The following TPCN2 variants were observed in gnomAD, a reference collection of about 807,000 sequenced individuals.
The protein encoded by TPCN2 is two pore segment channel 2, also known as two pore channel protein 2.
TPCN2 carries 92 observed loss-of-function variants against 111.4 expected under a neutral mutation model. The ratio of observed to expected loss-of-function variants is 0.83; its 90% CI spans 0.70 to 0.98. The LOEUF (loss-of-function observed/expected upper bound fraction) is 0.98, where lower values mean the gene tolerates loss of function less well. Ranked by LOEUF, TPCN2 falls within the 50% of genes least tolerant of loss-of-function variation. The pLI is 0.00. For synonymous variants in TPCN2, 405 were observed against 414.5 expected (o/e 0.98, Z 0.28); for missense variants, 995 against 980.1 (o/e 1.02, Z -0.20).
At chr11:69,055,023 A>C in intron 3 of TPCN2, 152 bp from the exon 4 acceptor site, 2 of 928,572 alleles carry the variant, frequency 2.2e-6, no homozygotes, top group Non-Finnish European at 1.7e-6. Flanking sequence ...TCGGCAATGG[A>C]GCTTTGAGCA....
chr11:69,075,127 T>C (rs11228481), intron 13 of TPCN2, among the ~76,000 whole-genome samples: 3,982 of 152,300 alleles, frequency 0.026, 381 homozygotes, highest in East Asian at 0.21. Context: ...GTCCCGGCGA[T>C]GCTCTTCCCA....
chr11:69,051,038 C>G lies in TPCN2; in HGVS notation c.109+1932C>G, dbSNP rs188626085. 1.6e-3 allele frequency among the ~76,000 whole-genome samples: 243 copies of G among 152,350 alleles called. 5 individuals are homozygous for G. Among genetic ancestry groups the G allele is most frequent in the Non-Finnish European group, 8.8e-5 (6 of 68,032 alleles). ...GCAGACTATGGAGCCATGGAGACTCCGAAAGGCTCATTCAGTCTCTGTGCT... is the reference window on the plus strand; with the variant it reads ...GCAGACTATGGAGCCATGGAGACTCGGAAAGGCTCATTCAGTCTCTGTGCT... On this transcript the variant is annotated intron_variant, in intron 1 of 24. Coordinates refer to ENST00000294309, the MANE Select transcript of TPCN2 (RefSeq NM_139075.4).
chr11:69,085,158 G>C, intron 19 of TPCN2, 52 bp from the exon 20 acceptor site: 1 of 1,527,120 alleles, frequency 6.5e-7, no homozygotes, highest in South Asian at 1.1e-5. Context: ...GAGGGTGGTG[G>C]TGGGTGCACC....
intron 1 of TPCN2, 122 bp downstream of exon 1, chr11:69,049,228 G>A: frequency 1.7e-6 from 1 of 605,590 alleles, no homozygotes; most frequent in Non-Finnish European, 2.4e-6. Flanking sequence ...AGTCCGAGCG[G>A]GGCCCGGGCC....
At chr11:69,053,739 G>A (rs534223982) in intron 1 of TPCN2, among the ~76,000 whole-genome samples, 2 of 152,302 alleles carry the variant, frequency 1.3e-5, no homozygotes, top group South Asian at 2.1e-4. Flanking sequence ...GAACCCCGAC[G>A]CTGGTGCCAG....
intron 10 of TPCN2, 54 bp downstream of exon 10, chr11:69,071,474 G>A (rs1053806184): frequency 2.6e-6 from 4 of 1,537,448 alleles, no homozygotes; most frequent in Non-Finnish European, 2.7e-6. Context: ...AGGCCAAGCA[G>A]GGTGTGGCTT....
chr11:69,085,972 C>T lies in TPCN2; in HGVS notation c.2003+42C>T, dbSNP rs1310860736. 3 of 1,580,570 alleles carry T rather than the reference C, an allele frequency of 1.9e-6. No individual in the cohort carries two copies. In the East Asian group the frequency reaches 6.8e-5, roughly 36 times the overall value. On this transcript the variant is annotated intron_variant, in intron 22 of 24. Coordinates refer to ENST00000294309, the MANE Select transcript of TPCN2 (RefSeq NM_139075.4). The stretch of plus-strand genomic sequence containing the variant: ...CTGACGGCAGTGATTCTCCGTGCAG[C>T]CTGGGGGTTCCCTCACCTCCGGGCA...
intron 1 of TPCN2, 57 bp downstream of exon 1, chr11:69,049,163 G>T: frequency 9.2e-7 from 1 of 1,084,984 alleles, no homozygotes. Context: ...TCGCGCGTGG[G>T]GGTCCCGCTG....
chr11:69,067,049 G>A (rs998084879), intron 7 of TPCN2, among the ~76,000 whole-genome samples: 2 of 152,160 alleles, frequency 1.3e-5, no homozygotes, highest in Non-Finnish European at 2.9e-5. Flanking sequence ...ATGGGCGGCC[G>A]TGGGCCCTGA....
intron 5 of TPCN2, among the ~76,000 whole-genome samples, chr11:69,059,064 G>A (rs754640): frequency 0.063 from 9,652 of 152,266 alleles, 620 homozygotes; most frequent in African/African-American, 0.15. Context: ...CACCTGCTCC[G>A]CGCTCCCTTC....
chr11:69,056,880 C>T (rs1372783495), intron 4 of TPCN2, among the ~76,000 whole-genome samples: 1 of 151,374 alleles, frequency 6.6e-6, no homozygotes, highest in African/African-American at 2.4e-5. Context: ...CTCTGTCGCC[C>T]AGGCTAGGGT....
intron 5 of TPCN2, among the ~76,000 whole-genome samples, chr11:69,058,457 AG>A (rs935011622): frequency 2.6e-5 from 4 of 151,588 alleles, no homozygotes; most frequent in Admixed American, 2.0e-4. Context: ...GTCCTCTGGG[AG>A]GGGGTGCTGT....
intron 1 of TPCN2, among the ~76,000 whole-genome samples, chr11:69,053,588 C>T (rs1032534583): frequency 5.9e-5 from 9 of 152,010 alleles, no homozygotes; most frequent in Admixed American, 2.6e-4. Context: ...GCCTGGGGAG[C>T]GTGGCAGGGG....
At chr11:69,054,008 C>G in intron 1 of TPCN2, 25 bp from the exon 2 acceptor site, 1 of 1,608,790 alleles carries the variant, frequency 6.2e-7, no homozygotes, top group Non-Finnish European at 8.5e-7. Flanking sequence ...TGCTCGGTCA[C>G]CTGATGTGTC....
rs767640039 is a variant in TPCN2 at position 69,079,895 on chromosome 11, GGCAGAACCGAGGGCGGC to G, written c.1589+13_1589+29del. On this transcript the variant is annotated intron_variant, in intron 17 of 24. Transcript: ENST00000294309. ...CCACACCCAGGCTGGTATGTGACTG[GGCAGAACCGAGGGCGGC>G]TACAGCAAACAGCACCACCACCCAG... 6.2e-7 allele frequency: 1 copy of G among 1,613,542 alleles called. No homozygotes were observed. Among genetic ancestry groups the G allele is most frequent in the African/African-American group, 1.3e-5 (1 of 75,050 alleles).
chr11:69,072,160 C>A (rs1590733099), intron 11 of TPCN2, 137 bp downstream of exon 11: 2 of 691,418 alleles, frequency 2.9e-6, no homozygotes, highest in Non-Finnish European at 4.8e-6. Flanking sequence ...CTCATGGAAA[C>A]CACCATGTCC....
intron 4 of TPCN2, among the ~76,000 whole-genome samples, chr11:69,055,758 C>T (rs947690127): frequency 3.9e-5 from 6 of 152,190 alleles, no homozygotes; most frequent in East Asian, 3.8e-4. Flanking sequence ...CCCAGTGGGC[C>T]GTCAGGGGTT....
intron 5 of TPCN2, among the ~76,000 whole-genome samples, chr11:69,060,315 C>T (rs551425681): frequency 5.9e-5 from 9 of 152,318 alleles, no homozygotes; most frequent in Non-Finnish European, 1.0e-4. Flanking sequence ...CCGGCTGGGC[C>T]GGCTATCATT....
chr11:69,075,942 C>T (rs530783201), intron 13 of TPCN2, among the ~76,000 whole-genome samples: 2 of 152,326 alleles, frequency 1.3e-5, no homozygotes, highest in Admixed American at 6.5e-5. Flanking sequence ...CTCTCAGTTA[C>T]ACAGCTAACA....
Sources: gnomAD v4.1 joint callset for allele counts (sites outside exome capture counted in the v4.1 genomes callset) on GRCh38, gnomAD v4.1.1 for gene constraint, MANE v1.5 for transcripts, NCBI Gene and HGNC (gene_info 2026-07-23, HGNC 2026-07-21) for gene names.